The following NUP188 variants were observed in gnomAD, a reference collection of about 807,000 sequenced individuals.
NUP188 encodes nucleoporin 188.
A neutral mutation model predicts 223.0 loss-of-function variants in NUP188; 97 were observed. The ratio of observed to expected loss-of-function variants is 0.43; its 90% CI spans 0.37 to 0.51. The LOEUF (loss-of-function observed/expected upper bound fraction) is 0.51, where lower values mean the gene tolerates loss of function less well. NUP188 is among the 20% of genes least tolerant of loss of function. The pLI is 0.00. For synonymous variants in NUP188, 869 were observed against 828.0 expected (o/e 1.05, Z -0.85); for missense variants, 1,947 against 2,175.6 (o/e 0.89, Z 2.09).
intron 38 of NUP188, among the ~76,000 whole-genome samples, chr9:129,004,148 A>G (rs12683687): frequency 0.3 from 45,054 of 150,992 alleles, 7,804 homozygotes; most frequent in Admixed American, 0.39. Flanking sequence ...GTGGTGGCAC[A>G]CGCCTGTAGT....
In NUP188 at chr9:128,983,469, C is replaced by T. The variant is rs779645800; in HGVS notation, c.1885-5C>T. On this transcript the variant is annotated splice_region_variant and splice_polypyrimidine_tract_variant and intron_variant, in intron 18 of 43. Coordinates refer to ENST00000372577, the MANE Select transcript of NUP188 (RefSeq NM_015354.3). The stretch of plus-strand genomic sequence containing the variant: ...GGGCATTTAACTCTTCCTTTTCCTT[C>T]TCAGGTCTGGACTGATCTTCGTCAC... 5 of 1,613,880 alleles carry T rather than the reference C, an allele frequency of 3.1e-6. No homozygotes were observed. The East Asian group carries it at 1.1e-4, about 36-fold the overall frequency.
intron 36 of NUP188, among the ~76,000 whole-genome samples, 156 bp from the exon 37 acceptor site, chr9:129,002,661 G>A (rs571709043): frequency 6.6e-4 from 101 of 152,360 alleles, no homozygotes; most frequent in African/African-American, 2.4e-3. Flanking sequence ...ATCTGCTGGT[G>A]TTGGCCCCTT....
chr9:128,950,778 G>C (rs1464063092), intron 2 of NUP188, among the ~76,000 whole-genome samples: 1 of 152,096 alleles, frequency 6.6e-6, no homozygotes, highest in Non-Finnish European at 1.5e-5. Flanking sequence ...CTGGGAGGTT[G>C]AGGCTGCAGT....
chr9:128,955,616 GTCCT>G (rs962654276), intron 3 of NUP188, among the ~76,000 whole-genome samples: 102 of 152,080 alleles, frequency 6.7e-4, no homozygotes, highest in Non-Finnish European at 1.1e-3. Context: ...CTTTGGGCGT[GTCCT>G]TCCTTTTTTC....
chr9:129,004,488 TA>T (rs1159412479), intron 38 of NUP188: 2 of 152,220 alleles, frequency 1.3e-5, no homozygotes, highest in African/African-American at 4.8e-5. Context: ...GAATCAGCCA[TA>T]ATCCTCATCT....
Position 128,969,413 on chromosome 9 carries a change from C to T in NUP188, c.811C>T (p.Leu271Phe). The T allele has an allele frequency of 6.2e-7, 1 of 1,610,078 alleles. No homozygotes were observed. Among genetic ancestry groups the T allele is most frequent in the Non-Finnish European group, 8.5e-7 (1 of 1,177,288 alleles). The change falls in exon 10 of 44, where the codon CTC (leucine) becomes TTC (phenylalanine). Residue 271 changes from leucine (L) to phenylalanine (F), a missense_variant. Transcript: ENST00000372577. ...FVDRIGYFSA[L>F]ILVEGMDIES... Reference sequence around the variant, plus strand: ...TTTTCTTTCTAGCTACTTCAGTGCCCTCATCCTGGTGGAGGGCATGGATAT... The same window carrying T: ...TTTTCTTTCTAGCTACTTCAGTGCCTTCATCCTGGTGGAGGGCATGGATAT...
chr9:128,999,581 G>A, intron 33 of NUP188, 43 bp from the exon 34 acceptor site: 1 of 1,587,164 alleles, frequency 6.3e-7, no homozygotes, highest in Non-Finnish European at 8.6e-7. Flanking sequence ...AGTGAGAGTT[G>A]GCCTGGTGAG....
rs759609310 is a variant in NUP188, at chr9:128,998,136, T to TC, written c.3352-14dup. On this transcript the variant is annotated splice_polypyrimidine_tract_variant and intron_variant, in intron 30 of 43. Coordinates refer to ENST00000372577, the MANE Select transcript of NUP188 (RefSeq NM_015354.3). ...AAAATTTTCCCAGCTGAAACCTTTTTCTGTTCCTTTGCAGGCAGATATAAT... is the reference window on the plus strand; with the variant it reads ...AAAATTTTCCCAGCTGAAACCTTTTTCCTGTTCCTTTGCAGGCAGATATAAT... The TC allele has an allele frequency of 9.9e-6, 16 of 1,610,588 alleles. No homozygotes were observed. The highest frequency in any genetic ancestry group is 1.4e-5 in the Non-Finnish European group (16 of 1,176,728).
At chr9:129,003,556 T>C (rs777429037) in intron 38 of NUP188, 102 bp downstream of exon 38, 8 of 1,364,968 alleles carry the variant, frequency 5.9e-6, no homozygotes, top group South Asian at 4.7e-5. Context: ...AGGATGTTCC[T>C]GAACGGGGGC....
rs1842752577 is a variant in NUP188, at chr9:129,005,007, A to G, written c.4435-140A>G. ...ATGAGGGAAGGAGGGAGAGAAGGGG[A>G]GCATGAGGGAAGGAGGGAGAGAAGA... On this transcript the variant is annotated intron_variant, in intron 38 of 43. Transcript: ENST00000372577. The G allele has an allele frequency of 4.4e-6, 3 of 686,658 alleles. No individual in the cohort carries two copies. The African/African-American group carries it at 5.3e-5, about 12-fold the overall frequency. The allele number at this position is 686,658 out of a possible 1,614,324, so 42.5% of individuals were successfully genotyped here. A position where few individuals can be genotyped will look rare whatever the true frequency, so the allele number is the denominator to read the frequency against.
intron 38 of NUP188, chr9:129,003,828 C>A (rs1328332937): frequency 3.1e-6 from 1 of 320,644 alleles, no homozygotes; most frequent in Non-Finnish European, 5.9e-6. Context: ...CAAAAATTAG[C>A]TGGGCGTGGT....
Position 128,981,397 on chromosome 9 carries a change from T to C in NUP188, c.1516+7T>C, listed in dbSNP as rs1842252034. On this transcript the variant is annotated splice_region_variant and intron_variant, in intron 15 of 43. Coordinates refer to ENST00000372577, the MANE Select transcript of NUP188 (RefSeq NM_015354.3). ...AAACTCCTTTATCCCCTTGGTGAGA[T>C]AAAGAGATCCCCCTTTTATGACAGC... The C allele has an allele frequency of 1.3e-6, 2 of 1,588,766 alleles. No individual in the cohort carries two copies. Among genetic ancestry groups the C allele is most frequent in the Non-Finnish European group, 1.7e-6 (2 of 1,173,052 alleles).
Position 128,998,520 on chromosome 9 carries a change from T to A in NUP188, c.3430-18T>A. On this transcript the variant is annotated intron_variant, in intron 31 of 43. Coordinates refer to ENST00000372577, the MANE Select transcript of NUP188 (RefSeq NM_015354.3). ...AATCTTTCCACTGACTTCTGACTGG[T>A]GTGCTGTCTCCTTTCAGCTCCTAGT... is the stretch of plus-strand genomic sequence containing the variant. 6.2e-7 allele frequency: 1 copy of A among 1,608,378 alleles called. No homozygotes were observed.
intron 25 of NUP188, among the ~76,000 whole-genome samples, chr9:128,990,782 A>T (rs1217922987): frequency 6.6e-6 from 1 of 152,084 alleles, no homozygotes; most frequent in African/African-American, 2.4e-5. Context: ...GGAGAATGGC[A>T]TGCACTAGGG....
intron 34 of NUP188, among the ~76,000 whole-genome samples, 195 bp from the exon 35 acceptor site, chr9:129,001,334 A>G (rs1167353865): frequency 6.6e-6 from 1 of 151,878 alleles, no homozygotes; most frequent in East Asian, 1.9e-4. Context: ...GATTGGCTGG[A>G]GTTGCTGCTG....
intron 3 of NUP188, among the ~76,000 whole-genome samples, chr9:128,955,157 C>T (rs1841851538): frequency 1.3e-5 from 2 of 151,724 alleles, no homozygotes; most frequent in South Asian, 4.2e-4. Context: ...GGCCAAGCTA[C>T]CCTTCTTACC....
chr9:128,981,019 A>C (rs1842246526), intron 14 of NUP188, among the ~76,000 whole-genome samples: 2 of 152,176 alleles, frequency 1.3e-5, no homozygotes, highest in Non-Finnish European at 2.9e-5. Flanking sequence ...TACAGAGTAA[A>C]TGTCATTTGA....
At chr9:129,004,087 C>G (rs1258896731) in intron 38 of NUP188, 1 of 159,784 alleles carries the variant, frequency 6.3e-6, no homozygotes, top group African/African-American at 2.4e-5. Context: ...ACCAGGCTGG[C>G]CAACATGGTG....
In NUP188 at chr9:129,005,183, C is replaced by T. The variant is rs1564569667; in HGVS notation, c.4471C>T (p.Leu1491Phe). ...LGYLCQACTS[L>F]LHSRKMLQHY... The stretch of plus-strand genomic sequence containing the variant: ...TTACTTGTGCCAGGCATGTACCTCT[C>T]TCCTGCACAGTCGAAAGATGCTGCA... Residue 1491 changes from leucine to phenylalanine, a missense_variant, in exon 39 of 44, where the codon CTC (leucine) becomes TTC (phenylalanine). Physicochemically the swap from Leu to Phe is conservative, Grantham distance 22. This residue lies in a region of NUP188 where 905 missense variants were observed against 990.6 expected (regional missense o/e 0.91). Coordinates refer to ENST00000372577, the MANE Select transcript of NUP188 (RefSeq NM_015354.3). 6 of 1,614,192 alleles carry T rather than the reference C, an allele frequency of 3.7e-6. No homozygotes were observed. The highest frequency in any genetic ancestry group is 5.1e-6 in the Non-Finnish European group (6 of 1,180,016).
Sources: allele counts gnomAD v4.1 joint callset (sites outside exome capture counted in the v4.1 genomes callset), GRCh38; gene constraint gnomAD v4.1.1; regional missense constraint gnomAD v4.1.1; transcripts MANE v1.5; gene names NCBI Gene and HGNC (gene_info 2026-07-23, HGNC 2026-07-21).